AFAP1L2: variants seen among roughly 807,000 people sequenced by gnomAD.
The protein encoded by AFAP1L2 is actin filament associated protein 1 like 2.
AFAP1L2 carries 46 observed loss-of-function variants against 99.3 expected under a neutral mutation model. The ratio of observed to expected loss-of-function variants is 0.46; its 90% CI spans 0.37 to 0.59. The LOEUF (loss-of-function observed/expected upper bound fraction) is 0.59. Ranked by LOEUF, AFAP1L2 falls within the 20% of genes least tolerant of loss-of-function variation. AFAP1L2 has a pLI of 0.00. For missense variants in AFAP1L2, 959 were observed against 1,034.9 expected (o/e 0.93, Z 1.01); for synonymous variants, 397 against 419.1 (o/e 0.95, Z 0.64).
In AFAP1L2 at chr10:114,304,856, A is replaced by G. The variant is rs2041854120; in HGVS notation, c.1147T>C (p.Tyr383His). Residue 383 changes from tyrosine to histidine, a missense_variant, in exon 11 of 19, where the codon TAC (tyrosine) becomes CAC (histidine). Coordinates refer to ENST00000304129, the MANE Select transcript of AFAP1L2 (RefSeq NM_001001936.3). ...CSVRDNHLHF[Y>H]QDRNRSKVAQ... Reference sequence around the variant, plus strand: ...ACCTTGCTCCGGTTCCGGTCCTGGTAGAAGTGCAGGTGATTGTCCCTGACA... The same window carrying G: ...ACCTTGCTCCGGTTCCGGTCCTGGTGGAAGTGCAGGTGATTGTCCCTGACA... The G allele has an allele frequency of 6.2e-7, 1 of 1,613,462 alleles. No individual in the cohort carries two copies. The highest frequency in any genetic ancestry group is 2.2e-5 in the East Asian group (1 of 44,870).
intron 10 of AFAP1L2, among the ~76,000 whole-genome samples, chr10:114,305,847 T>A (rs71500818): frequency 1.1e-5 from 1 of 93,776 alleles, no homozygotes; most frequent in African/African-American, 4.3e-5. Flanking sequence ...GGGACGCGGG[T>A]GCAGGAGGGG....
chr10:114,282,859 A>T, the AFAP1L2 span, among the ~76,000 whole-genome samples: 1 of 152,156 alleles, frequency 6.6e-6, no homozygotes, highest in Non-Finnish European at 1.5e-5. Flanking sequence ...AGACATCCTC[A>T]AAGCCAGCAC....
chr10:114,387,526 T>G (rs2056653428), intron 1 of AFAP1L2, among the ~76,000 whole-genome samples: 1 of 152,200 alleles, frequency 6.6e-6, no homozygotes, highest in Non-Finnish European at 1.5e-5. Flanking sequence ...CACCACTGGC[T>G]AGCACTACGG....
At chr10:114,314,085 A>G (rs1161598107) in intron 6 of AFAP1L2, 35 bp from the exon 7 acceptor site, 9 of 1,588,972 alleles carry the variant, frequency 5.7e-6, no homozygotes, top group Non-Finnish European at 7.7e-6. Flanking sequence ...CCACTTTGCC[A>G]GGGGTGCCGG....
intron 1 of AFAP1L2, among the ~76,000 whole-genome samples, chr10:114,355,336 G>A (rs892827756): frequency 1.3e-5 from 2 of 149,382 alleles, no homozygotes; most frequent in Admixed American, 6.7e-5. Flanking sequence ...CTCACTGCAA[G>A]CTCCGCCTCC....
intron 1 of AFAP1L2, among the ~76,000 whole-genome samples, chr10:114,350,540 C>A (rs1376066895): frequency 2.6e-5 from 4 of 152,170 alleles, no homozygotes; most frequent in African/African-American, 9.7e-5. Context: ...ACTAACGAAA[C>A]CTCCTCCTAT....
At chr10:114,299,979 C>T (rs766718283) in intron 15 of AFAP1L2, among the ~76,000 whole-genome samples, 1 of 152,244 alleles carries the variant, frequency 6.6e-6, no homozygotes, top group Non-Finnish European at 1.5e-5. Context: ...GGCTTCCCTA[C>T]TTTTGAGGCT....
chr10:114,378,790 T>C (rs974696296), intron 1 of AFAP1L2, among the ~76,000 whole-genome samples: 5 of 152,230 alleles, frequency 3.3e-5, no homozygotes, highest in Non-Finnish European at 2.9e-5. Flanking sequence ...AAGAAGCTTG[T>C]TCCAGGCCAT....
At chr10:114,372,750 T>C (rs1261965) in intron 1 of AFAP1L2, among the ~76,000 whole-genome samples, 139,075 of 152,186 alleles carry the variant, frequency 0.91, 64,573 homozygotes, top group East Asian at 1. Context: ...ACCCTCCCAG[T>C]GTCAGCCCCT....
At chr10:114,329,529 A>G (rs1291828975) in intron 4 of AFAP1L2, among the ~76,000 whole-genome samples, 1 of 152,212 alleles carries the variant, frequency 6.6e-6, no homozygotes, top group East Asian at 1.9e-4. Context: ...TACCTTGGTC[A>G]GAATCAGACG....
intron 3 of AFAP1L2, among the ~76,000 whole-genome samples, chr10:114,332,799 G>A (rs567549095): frequency 3.9e-5 from 6 of 152,312 alleles, no homozygotes; most frequent in African/African-American, 1.4e-4. Context: ...CAGCACCTTT[G>A]AACATCATCT....
intron 9 of AFAP1L2, 143 bp downstream of exon 9, chr10:114,308,290 C>T (rs979329428): frequency 1.4e-6 from 1 of 689,990 alleles, no homozygotes; most frequent in Admixed American, 2.9e-5. Context: ...CTCCCTTTTT[C>T]CTGGATCTAA....
intron 10 of AFAP1L2, among the ~76,000 whole-genome samples, chr10:114,305,862 G>GGGTGCAGGAGGGGGCGCA (rs74193456): frequency 5.0e-5 from 5 of 100,314 alleles, no homozygotes; most frequent in Non-Finnish European, 1.0e-4. Flanking sequence ...GAGGGGACGC[G>GGGTGCAGGAGGGGGCGCA]GGTGCAGGAG....
intron 1 of AFAP1L2, among the ~76,000 whole-genome samples, chr10:114,364,867 T>C (rs1457098549): frequency 6.6e-6 from 1 of 152,204 alleles, no homozygotes; most frequent in Non-Finnish European, 1.5e-5. Context: ...GGGAGCCTTC[T>C]GAGTCCTCAT....
chr10:114,319,149 G>A (rs975833892), intron 5 of AFAP1L2, among the ~76,000 whole-genome samples: 1 of 152,120 alleles, frequency 6.6e-6, no homozygotes, highest in African/African-American at 2.4e-5. Context: ...GCCAGACTCT[G>A]TCCCAAAAAC....
intron 1 of AFAP1L2, among the ~76,000 whole-genome samples, chr10:114,369,589 C>T (rs528144677): frequency 6.6e-5 from 8 of 121,848 alleles, no homozygotes; most frequent in South Asian, 5.4e-4. Context: ...AGCGAGACTC[C>T]GACTCAAAAA....
At chr10:114,319,560 A>AG in intron 5 of AFAP1L2, 1 of 1,289,552 alleles carries the variant, frequency 7.8e-7, no homozygotes, top group Non-Finnish European at 1.0e-6. Context: ...AGTAAGCAGT[A>AG]CCCAAGGTGA....
chr10:114,295,814 A>C lies in AFAP1L2; in HGVS notation c.*228T>G. On this transcript the variant is annotated 3_prime_UTR_variant, in exon 19 of 19. Transcript: ENST00000304129. ...TCCCTAAATACAACGTCTTGTTTAC[A>C]TCCAATAGACTTAGGTCTCCAAAGA... 2 of 1,356,782 alleles carry C rather than the reference A, an allele frequency of 1.5e-6. No individual in the cohort carries two copies. Among genetic ancestry groups the C allele is most frequent in the Non-Finnish European group, 1.9e-6 (2 of 1,054,352 alleles). The allele number at this position is 1,356,782 out of a possible 1,614,324, so 84.0% of individuals were successfully genotyped here.
chr10:114,389,374 G>A (rs1040906840), intron 1 of AFAP1L2, among the ~76,000 whole-genome samples: 10 of 152,334 alleles, frequency 6.6e-5, no homozygotes, highest in African/African-American at 2.2e-4. Flanking sequence ...AGTGGGGAGA[G>A]GGAGTGTATC....
Sources: allele counts gnomAD v4.1 joint callset (sites outside exome capture counted in the v4.1 genomes callset), GRCh38; gene constraint gnomAD v4.1.1; transcripts MANE v1.5; gene names NCBI Gene and HGNC (gene_info 2026-07-23, HGNC 2026-07-21).